The following PEX5L variants were observed in gnomAD, a reference collection of about 807,000 sequenced individuals.
PEX5L encodes the protein peroxisomal biogenesis factor 5 like.
A neutral mutation model predicts 84.0 loss-of-function variants in PEX5L; 30 were observed. The ratio of observed to expected loss-of-function variants is 0.36; its 90% CI spans 0.27 to 0.48. The LOEUF is 0.48. Ranked by LOEUF, PEX5L falls within the 20% of genes least tolerant of loss-of-function variation. The pLI is 0.99. For missense variants in PEX5L, 533 were observed against 754.6 expected, an observed-to-expected ratio of 0.71 and a Z score of 3.44; for synonymous variants, 270 against 283.1, an observed-to-expected ratio of 0.95 and a Z score of 0.46.
At chr3:179,865,344 T>G (rs1160636650) in intron 7 of PEX5L, among the ~76,000 whole-genome samples, 14 of 152,148 alleles carry the variant, frequency 9.2e-5, no homozygotes, top group Admixed American at 9.2e-4. Flanking sequence ...CAAAGATCAG[T>G]AAATACTGAA....
rs1716506483 is a variant in PEX5L, at chr3:179,795,324, T to G, written c.*6504A>C. The stretch of plus-strand genomic sequence containing the variant: ...TTAATAATGTGAAAAAGGGAAGGCA[T>G]GCTTCCAATAATAGTACAAAAATAC... On this transcript the variant is annotated 3_prime_UTR_variant, in exon 15 of 15. Transcript: ENST00000467460. 6.6e-6 allele frequency: 1 copy of G among 152,212 alleles called. No homozygotes were observed. The highest frequency in any genetic ancestry group is 1.5e-5 in the Non-Finnish European group (1 of 68,040). The allele number at this position is 152,212 out of a possible 1,614,324, so 9.4% of individuals were successfully genotyped here. A position where few individuals can be genotyped will look rare whatever the true frequency, so the allele number is the denominator to read the frequency against.
chr3:179,871,773 C>T (rs1750484303), intron 7 of PEX5L, among the ~76,000 whole-genome samples: 1 of 152,228 alleles, frequency 6.6e-6, no homozygotes, highest in Non-Finnish European at 1.5e-5. Context: ...GTAAATCTTC[C>T]TCCCCGTAGC....
intron 2 of PEX5L, among the ~76,000 whole-genome samples, chr3:179,958,984 G>A (rs1781323430): frequency 6.6e-6 from 1 of 151,496 alleles, no homozygotes; most frequent in Non-Finnish European, 1.5e-5. Context: ...CCGAGATCGC[G>A]CTGCTGCATT....
chr3:179,887,615 A>AT, intron 4 of PEX5L, 58 bp downstream of exon 4: 1 of 1,094,086 alleles, frequency 9.1e-7, no homozygotes, highest in Non-Finnish European at 1.4e-6. Context: ...AAAAATGTGC[A>AT]TTTTACTATA....
chr3:179,871,883 T>TTTTTC lies in PEX5L; in HGVS notation c.726+2439_726+2443dup, dbSNP rs541850540. 5.9e-5 allele frequency among the ~76,000 whole-genome samples: 9 copies of TTTTTC among 152,240 alleles called. No individual in the cohort carries two copies. In the East Asian group the frequency reaches 1.7e-3, roughly 29 times the overall value. ...TCTGTTAAGTTTAATTTGGCTAACG[T>TTTTTC]TTTTCTTTTCTTTCTTTTTTTGAGA... On this transcript the variant is annotated intron_variant, in intron 7 of 14. Coordinates refer to ENST00000467460, the MANE Select transcript of PEX5L (RefSeq NM_016559.3).
intron 7 of PEX5L, among the ~76,000 whole-genome samples, chr3:179,862,976 G>A (rs561098581): frequency 6.6e-6 from 1 of 152,272 alleles, no homozygotes; most frequent in Admixed American, 6.5e-5. Flanking sequence ...CATGATAAGA[G>A]CATAAAAACA....
intron 11 of PEX5L, among the ~76,000 whole-genome samples, chr3:179,810,251 C>T (rs1438599139): frequency 6.6e-6 from 1 of 151,914 alleles, no homozygotes; most frequent in East Asian, 1.9e-4. Flanking sequence ...AAGTGACCCG[C>T]CTGTCTCAGC....
chr3:179,987,272 CT>C (rs1786941944), intron 1 of PEX5L, among the ~76,000 whole-genome samples: 1 of 149,624 alleles, frequency 6.7e-6, no homozygotes. Context: ...TCCTTTCTTC[CT>C]TCCTTCCTCC....
At chr3:179,981,411 G>T (rs1172915127) in intron 1 of PEX5L, among the ~76,000 whole-genome samples, 2 of 152,186 alleles carry the variant, frequency 1.3e-5, no homozygotes, top group African/African-American at 4.8e-5. Context: ...GAGAGCCATT[G>T]AAGTGGTCAG....
chr3:179,911,162 T>A (rs1025620295), intron 2 of PEX5L, among the ~76,000 whole-genome samples: 19 of 152,184 alleles, frequency 1.2e-4, no homozygotes, highest in Non-Finnish European at 2.1e-4. Flanking sequence ...CTTAGAGGTT[T>A]GCTTTAACTG....
intron 3 of PEX5L, among the ~76,000 whole-genome samples, chr3:179,897,327 G>A (rs1280034960): frequency 6.6e-6 from 1 of 152,018 alleles, no homozygotes; most frequent in South Asian, 2.1e-4. Context: ...ATAAATGCAA[G>A]TAAAAATATT....
At chr3:179,899,305 G>A (rs924251778) in intron 2 of PEX5L, among the ~76,000 whole-genome samples, 7 of 152,036 alleles carry the variant, frequency 4.6e-5, no homozygotes, top group Admixed American at 4.6e-4. Context: ...TCAGGTCTCT[G>A]GGTAAAGCCT....
chr3:180,000,501 A>C (rs1279816259), intron 1 of PEX5L, among the ~76,000 whole-genome samples: 1 of 152,162 alleles, frequency 6.6e-6, no homozygotes, highest in Non-Finnish European at 1.5e-5. Context: ...CCAGGAAAAA[A>C]AACCACGACC....
chr3:179,876,704 C>G (rs1264032473), intron 5 of PEX5L, among the ~76,000 whole-genome samples: 1 of 152,104 alleles, frequency 6.6e-6, no homozygotes, highest in Non-Finnish European at 1.5e-5. Context: ...AACTGAAACT[C>G]TACTCATTAA....
At chr3:179,964,970 C>G (rs1782976333) in intron 2 of PEX5L, among the ~76,000 whole-genome samples, 1 of 152,214 alleles carries the variant, frequency 6.6e-6, no homozygotes. Context: ...GGTTAATTTT[C>G]CCAAACAGTT....
chr3:180,017,260 G>A (rs569918505), intron 1 of PEX5L, among the ~76,000 whole-genome samples: 3 of 152,212 alleles, frequency 2.0e-5, no homozygotes, highest in East Asian at 3.9e-4. Flanking sequence ...TATCTTTTAT[G>A]ATTTTCTCTC....
chr3:179,907,406 G>A (rs1763633898), intron 2 of PEX5L, among the ~76,000 whole-genome samples: 1 of 152,004 alleles, frequency 6.6e-6, no homozygotes, highest in African/African-American at 2.4e-5. Flanking sequence ...TTGAGCTCTT[G>A]TACTCAAGTG....
intron 1 of PEX5L, among the ~76,000 whole-genome samples, chr3:179,983,124 C>T (rs917429051): frequency 4.6e-5 from 7 of 151,940 alleles, no homozygotes; most frequent in East Asian, 1.9e-4. Context: ...TATTTTTATA[C>T]ATAGATACAT....
chr3:179,850,896 C>G (rs1316087320), intron 8 of PEX5L, among the ~76,000 whole-genome samples: 8 of 152,136 alleles, frequency 5.3e-5, no homozygotes, highest in African/African-American at 1.7e-4. Context: ...AATTTTCTTG[C>G]TAGGAGGACA....
Sources: gnomAD v4.1 joint callset for allele counts (sites outside exome capture counted in the v4.1 genomes callset) on GRCh38, gnomAD v4.1.1 for gene constraint, MANE v1.5 for transcripts, NCBI Gene and HGNC (gene_info 2026-07-23, HGNC 2026-07-21) for gene names.